Variants in ZNF385D observed in about 807,000 individuals in gnomAD.
The protein encoded by ZNF385D is zinc finger protein 659.
Under a neutral mutation model 35.8 loss-of-function variants are expected in ZNF385D, and 15 were observed. The ratio of observed to expected loss-of-function variants is 0.42; its 90% CI spans 0.28 to 0.64. ZNF385D has a LOEUF of 0.64. Among genes scored for constraint, ZNF385D ranks in the 30% least tolerant of loss-of-function variants. ZNF385D has a pLI of 0.23. For synonymous variants in ZNF385D, 212 were observed against 186.8 expected (o/e 1.13, Z -1.10); for missense variants, 474 against 494.6 (o/e 0.96, Z 0.39).
intron 1 of ZNF385D, among the ~76,000 whole-genome samples, chr3:21,665,754 C>A (rs1288454918): frequency 6.6e-6 from 1 of 152,104 alleles, no homozygotes; most frequent in Non-Finnish European, 1.5e-5. Context: ...AAGTAGCCAG[C>A]CTTTTGCAAG....
At chr3:22,371,929 A>G (rs1279687499) in intron 2 of ZNF385D, among the ~76,000 whole-genome samples, 1 of 151,284 alleles carries the variant, frequency 6.6e-6, no homozygotes, top group African/African-American at 2.5e-5. Context: ...TTGTTTTAAA[A>G]AGAAGAAGAA....
At chr3:21,660,779 G>C (rs1246998506) in intron 2 of ZNF385D, among the ~76,000 whole-genome samples, 1 of 152,132 alleles carries the variant, frequency 6.6e-6, no homozygotes, top group Non-Finnish European at 1.5e-5. Flanking sequence ...AAGAGTCTGG[G>C]CTTTTAAATT....
At chr3:22,125,481 T>C (rs1416230973) in intron 3 of ZNF385D, among the ~76,000 whole-genome samples, 1 of 152,150 alleles carries the variant, frequency 6.6e-6, no homozygotes, top group Non-Finnish European at 1.5e-5. Flanking sequence ...AGGATTGCAT[T>C]GAACTTGTGG....
intron 4 of ZNF385D, among the ~76,000 whole-genome samples, chr3:21,503,392 C>G (rs1435625991): frequency 6.6e-6 from 1 of 152,130 alleles, no homozygotes; most frequent in Non-Finnish European, 1.5e-5. Context: ...GAAAAGCAAA[C>G]TCTTCCAACC....
intron 1 of ZNF385D, among the ~76,000 whole-genome samples, chr3:21,705,748 C>A (rs1179030604): frequency 5.9e-5 from 9 of 152,230 alleles, no homozygotes; most frequent in Admixed American, 3.9e-4. Context: ...CCAAAATCCA[C>A]TTGCTCCCAC....
At chr3:21,567,294 T>G (rs1244402525) in intron 2 of ZNF385D, among the ~76,000 whole-genome samples, 2 of 152,146 alleles carry the variant, frequency 1.3e-5, no homozygotes, top group Non-Finnish European at 2.9e-5. Context: ...AGAATAGCGG[T>G]ATGAAGGGCC....
At chr3:21,424,317 AT>A (rs1213225859) in intron 6 of ZNF385D, among the ~76,000 whole-genome samples, 6,528 of 63,744 alleles carry the variant, frequency 0.1, 401 homozygotes, top group African/African-American at 0.15. Context: ...ATATATATAT[AT>A]TTTTTTTTTT....
intron 3 of ZNF385D, among the ~76,000 whole-genome samples, chr3:21,932,345 G>A (rs73044596): frequency 2.6e-5 from 4 of 151,606 alleles, no homozygotes; most frequent in East Asian, 1.9e-4. Flanking sequence ...GATTCAAAAC[G>A]CAATTAGTCA....
chr3:21,646,147 T>C lies in ZNF385D; in HGVS notation c.165+18739A>G, dbSNP rs1027948357. Among the ~76,000 whole-genome samples the C allele has an allele frequency of 2.0e-5, 3 of 152,142 alleles. No individual in the cohort carries two copies. Among genetic ancestry groups the C allele is most frequent in the South Asian group, 2.1e-4 (1 of 4,836 alleles). On this transcript the variant is annotated intron_variant, in intron 2 of 7. Transcript: ENST00000281523. The surrounding 1 kb of genome is among the most constrained non-coding windows in gnomAD (Gnocchi z 4.3). ...ACCTCAGGGAAATTTTTAAAAACTA[T>C]TTTTCATTTTAAAAGTTAAGGAAGG...
chr3:21,762,065 G>C (rs2070640983), intron 3 of ZNF385D, among the ~76,000 whole-genome samples: 1 of 151,608 alleles, frequency 6.6e-6, no homozygotes, highest in Non-Finnish European at 1.5e-5. Flanking sequence ...TTTTAGTAGA[G>C]ACAGGGTTTC....
chr3:22,286,375 T>C (rs1440313199), intron 2 of ZNF385D, among the ~76,000 whole-genome samples: 3 of 152,100 alleles, frequency 2.0e-5, no homozygotes, highest in Non-Finnish European at 2.9e-5. Flanking sequence ...ATATTTTATA[T>C]TGTTTTCCTA....
At chr3:21,621,295 A>G (rs2064998830) in intron 2 of ZNF385D, among the ~76,000 whole-genome samples, 1 of 152,132 alleles carries the variant, frequency 6.6e-6, no homozygotes, top group South Asian at 2.1e-4. Flanking sequence ...TCTAAGTCCT[A>G]TTAAAGTAAA....
intron 2 of ZNF385D, among the ~76,000 whole-genome samples, chr3:22,192,402 T>C (rs780479952): frequency 9.8e-5 from 15 of 152,308 alleles, no homozygotes; most frequent in African/African-American, 3.4e-4. Context: ...TGCTGTCATA[T>C]AGTCCCCTTC....
At chr3:22,185,708 C>T (rs1695584722) in intron 2 of ZNF385D, among the ~76,000 whole-genome samples, 1 of 152,188 alleles carries the variant, frequency 6.6e-6, no homozygotes, top group South Asian at 2.1e-4. Flanking sequence ...CGTCATGATC[C>T]ACCCGCCTTG....
chr3:21,834,036 AATATTTT>A (rs1391099339), intron 3 of ZNF385D, among the ~76,000 whole-genome samples: 1 of 152,158 alleles, frequency 6.6e-6, no homozygotes, highest in Non-Finnish European at 1.5e-5. Context: ...ATACACGTAA[AATATTTT>A]ATATATGTGA....
intron 1 of ZNF385D, among the ~76,000 whole-genome samples, chr3:21,677,288 G>A (rs1383839275): frequency 3.3e-5 from 5 of 152,014 alleles, no homozygotes; most frequent in Admixed American, 2.0e-4. Context: ...CAGAGGCCAA[G>A]GTTAATGAGA....
intron 4 of ZNF385D, among the ~76,000 whole-genome samples, chr3:21,444,922 C>G (rs1270912005): frequency 1.3e-5 from 2 of 152,106 alleles, no homozygotes; most frequent in African/African-American, 4.8e-5. Flanking sequence ...GTGATCAGGA[C>G]CAGGTCACAC....
intron 3 of ZNF385D, among the ~76,000 whole-genome samples, chr3:22,139,392 T>G (rs1267864575): frequency 2.0e-5 from 3 of 152,042 alleles, no homozygotes; most frequent in African/African-American, 4.8e-5. Flanking sequence ...TAGACTGGAT[T>G]AAGAAAATGT....
chr3:21,540,659 G>A (rs115878284), intron 3 of ZNF385D, among the ~76,000 whole-genome samples: 1,898 of 152,242 alleles, frequency 0.012, 34 homozygotes, highest in African/African-American at 0.043. Context: ...CGATAAACCT[G>A]ATAAGAATAA....
Sources: gnomAD v4.1 joint callset for allele counts (sites outside exome capture counted in the v4.1 genomes callset) on GRCh38, gnomAD v4.1.1 for gene constraint, Gnocchi (gnomAD v3.1) non-coding constraint, MANE v1.5 for transcripts, NCBI Gene and HGNC (gene_info 2026-07-23, HGNC 2026-07-21) for gene names.